Variants in ZFP30 observed in about 807,000 individuals in gnomAD.
ZFP30 encodes the protein zinc finger protein 30 homolog.
ZFP30 carries 16 observed loss-of-function variants against 12.3 expected under a neutral mutation model. The ratio of observed to expected loss-of-function variants is 1.30; its 90% CI spans 0.88 to 1.98. The LOEUF is 1.98. ZFP30 is among the 30% of genes most tolerant of loss of function. ZFP30 has a pLI of 0.00. For synonymous variants in ZFP30, 172 were observed against 201.0 expected (o/e 0.86, Z 1.22); for missense variants, 560 against 611.2 (o/e 0.92, Z 0.88).
chr19:37,652,474 A>G (rs527755984), intron 2 of ZFP30, among the ~76,000 whole-genome samples: 16 of 152,246 alleles, frequency 1.1e-4, no homozygotes, highest in Admixed American at 2.6e-4. Flanking sequence ...AGACTGAGGC[A>G]GGAGAATCAC....
Position 37,643,263 on chromosome 19 carries a change from A to T in ZFP30, c.235+2T>A. On this transcript the variant is annotated splice_donor_variant, in intron 5 of 5. Transcript: ENST00000684514. LOFTEE classifies it high-confidence loss of function. ...GCTGACCTCTGCCTGATCAGCACTT[A>T]CCTAGAGTCCATCTTCTTTTCTCAT... is the stretch of plus-strand genomic sequence containing the variant. 6.2e-7 allele frequency: 1 copy of T among 1,610,824 alleles called. No homozygotes were observed. Among genetic ancestry groups the T allele is most frequent in the Non-Finnish European group, 8.5e-7 (1 of 1,178,726 alleles).
At chr19:37,637,234 C>T (rs540178036) in intron 5 of ZFP30, among the ~76,000 whole-genome samples, 174 of 135,278 alleles carry the variant, frequency 1.3e-3, no homozygotes, top group African/African-American at 4.7e-3. Flanking sequence ...GACAGAGTTT[C>T]GCTCTTGTTG....
rs1160151682 is a variant in ZFP30, at chr19:37,633,875, T to C, written c.*1106A>G. 1 of 152,176 alleles carries C rather than the reference T, an allele frequency of 6.6e-6. No homozygotes were observed. The highest frequency in any genetic ancestry group is 1.5e-5 in the Non-Finnish European group (1 of 68,038). The allele number at this position is 152,176 out of a possible 1,614,324, so 9.4% of individuals were successfully genotyped here. On this transcript the variant is annotated 3_prime_UTR_variant, in exon 6 of 6. Transcript: ENST00000684514. ...ACAAAAGGACATTCCAGATATATCA[T>C]CTCCTGTGTATAGACTTCAGAAATT...
At position 37,634,874 on chromosome 19, in the gene ZFP30, A is replaced by T; in HGVS notation, c.*107T>A. 2.5e-6 allele frequency: 3 copies of T among 1,197,470 alleles called. No individual in the cohort carries two copies. Among genetic ancestry groups the T allele is most frequent in the South Asian group, 2.0e-5 (1 of 49,680 alleles). 74.2% of individuals were successfully genotyped at this position (1,197,470 alleles called of 1,614,324 possible). A position where few individuals can be genotyped will look rare whatever the true frequency, so the allele number is the denominator to read the frequency against. On this transcript the variant is annotated 3_prime_UTR_variant, in exon 6 of 6. Transcript: ENST00000684514. ...CCTTTAAATAAAACTTCCTATGCTT[A>T]GTTGTGAGCATGAAGCAAAAGGGAT...
intron 5 of ZFP30, among the ~76,000 whole-genome samples, chr19:37,636,931 G>A (rs901453688): frequency 1.4e-4 from 22 of 151,982 alleles, no homozygotes; most frequent in African/African-American, 5.1e-4. Flanking sequence ...GGCTGGTCTC[G>A]AACTCCTGAC....
At chr19:37,650,041 T>C (rs573781329) in intron 2 of ZFP30, among the ~76,000 whole-genome samples, 1 of 152,216 alleles carries the variant, frequency 6.6e-6, no homozygotes, top group Admixed American at 6.5e-5. Flanking sequence ...ATCTGTGAAT[T>C]GGAATAAAAT....
At chr19:37,643,104 A>G (rs1342617301) in intron 5 of ZFP30, among the ~76,000 whole-genome samples, 161 bp downstream of exon 5, 4 of 151,740 alleles carry the variant, frequency 2.6e-5, no homozygotes, top group Non-Finnish European at 4.4e-5. Flanking sequence ...AAGTGGAAGT[A>G]TGGATGAAAT....
In ZFP30 at chr19:37,632,417, A is replaced by G. The variant is rs2044248091; in HGVS notation, c.*2564T>C. 6.6e-6 allele frequency: 1 copy of G among 152,092 alleles called. No homozygotes were observed. Among genetic ancestry groups the G allele is most frequent in the Non-Finnish European group, 1.5e-5 (1 of 68,012 alleles). The allele number at this position is 152,092 out of a possible 1,614,324, so 9.4% of individuals were successfully genotyped here. ...TATAGCTGTAGCTGTGTAATCTTTC[A>G]TATTTCTGTGATCAAAACTGCAAAG... On this transcript the variant is annotated 3_prime_UTR_variant, in exon 6 of 6. Coordinates refer to ENST00000684514, the MANE Select transcript of ZFP30 (RefSeq NM_001320669.3).
At chr19:37,645,936 T>C (rs1165662696) in intron 3 of ZFP30, among the ~76,000 whole-genome samples, 1 of 152,224 alleles carries the variant, frequency 6.6e-6, no homozygotes, top group Non-Finnish European at 1.5e-5. Flanking sequence ...GTTTACTGCA[T>C]GATACAGTAG....
At chr19:37,645,475 G>A (rs1290968673) in intron 3 of ZFP30, among the ~76,000 whole-genome samples, 1 of 150,104 alleles carries the variant, frequency 6.7e-6, no homozygotes, top group African/African-American at 2.5e-5. Context: ...CTTTTTTTTT[G>A]TAACAATTAT....
chr19:37,655,816 A>G (rs1164047933), upstream of ZFP30: 1 of 150,900 alleles, frequency 6.6e-6, no homozygotes. Context: ...GCGACGCCTC[A>G]CCGGAACCTT....
chr19:37,649,925 T>C (rs561285200), intron 2 of ZFP30, among the ~76,000 whole-genome samples: 64 of 152,088 alleles, frequency 4.2e-4, no homozygotes, highest in Non-Finnish European at 7.6e-4. Flanking sequence ...CCACTACATA[T>C]TGTTGGGGGA....
At chr19:37,650,738 C>CTT (rs34780474) in intron 2 of ZFP30, among the ~76,000 whole-genome samples, 52 of 142,844 alleles carry the variant, frequency 3.6e-4, no homozygotes, top group Admixed American at 7.0e-4. Context: ...TTTTCTTTTC[C>CTT]TTTTTTTTTT....
intron 3 of ZFP30, among the ~76,000 whole-genome samples, chr19:37,645,755 T>A (rs902748751): frequency 6.6e-6 from 1 of 151,744 alleles, no homozygotes; most frequent in African/African-American, 2.4e-5. Flanking sequence ...CTTTAAAGAT[T>A]TTTAAAAAAT....
At chr19:37,637,382 G>A (rs188177264) in intron 5 of ZFP30, among the ~76,000 whole-genome samples, 214 of 150,436 alleles carry the variant, frequency 1.4e-3, no homozygotes, top group African/African-American at 5.0e-3. Flanking sequence ...GTAGAGATGG[G>A]GTTTCACCAT....
At chr19:37,644,518 G>A (rs1300672909) in intron 4 of ZFP30, 92 bp downstream of exon 4, 5 of 1,375,342 alleles carry the variant, frequency 3.6e-6, no homozygotes, top group Non-Finnish European at 4.8e-6. Context: ...TGGTGACTCA[G>A]CGAGACTTCG....
In ZFP30 at chr19:37,635,822, T is replaced by C. The variant is rs1568379142; in HGVS notation, c.719A>G (p.Lys240Arg). 1 of 1,614,228 alleles carries C rather than the reference T, an allele frequency of 6.2e-7. No homozygotes were observed. Among genetic ancestry groups the C allele is most frequent in the African/African-American group, 1.3e-5 (1 of 75,064 alleles). ...CCCACATTCTTTACATTCATACGGC[T>C]TCTCACCAATATGAATTCTCTGATG... Reference protein sequence around the residue: ...RVHQRIHIGEKPYECKECGKA... With the variant: ...RVHQRIHIGERPYECKECGKA... Residue 240 changes from lysine (K) to arginine (R), a missense_variant, in exon 6 of 6, where the codon AAG becomes AGG. By Grantham distance (26) the Lys-to-Arg change is conservative (BLOSUM62 2). Transcript: ENST00000684514.
At chr19:37,648,264 GC>G (rs558514003) in intron 2 of ZFP30, among the ~76,000 whole-genome samples, 203 of 152,164 alleles carry the variant, frequency 1.3e-3, no homozygotes, top group East Asian at 0.011. Context: ...CACCTTCCCA[GC>G]TGAAAAGGGG....
At position 37,632,243 on chromosome 19, in the gene ZFP30, A is replaced by C. The variant is rs1354907453; in HGVS notation, c.*2738T>G. 2.0e-5 allele frequency: 3 copies of C among 152,074 alleles called. No homozygotes were observed. Among genetic ancestry groups the C allele is most frequent in the African/African-American group, 7.2e-5 (3 of 41,418 alleles). The allele number at this position is 152,074 out of a possible 1,614,324, so 9.4% of individuals were successfully genotyped here. ...TTTTAGTAATTTTTACCATAAAATA[A>C]TTCTGGATTTTCAATATTTTAAAAT... On this transcript the variant is annotated 3_prime_UTR_variant, in exon 6 of 6. Transcript: ENST00000684514.
Sources: allele counts gnomAD v4.1 joint callset (sites outside exome capture counted in the v4.1 genomes callset), GRCh38; gene constraint gnomAD v4.1.1; transcripts MANE v1.5; gene names NCBI Gene and HGNC (gene_info 2026-07-23, HGNC 2026-07-21).